Variants in CHN1 observed in about 807,000 individuals in gnomAD.
The protein encoded by CHN1 is N-chimaerin.
A neutral mutation model predicts 59.5 loss-of-function variants in CHN1; 37 were observed. The ratio of observed to expected loss-of-function variants is 0.62; its 90% CI spans 0.48 to 0.82. The LOEUF is 0.82. Ranked by LOEUF, CHN1 falls within the 40% of genes least tolerant of loss-of-function variation. The probability of loss-of-function intolerance (pLI) is 0.00; values close to 1 mark genes in which losing one functional copy is unlikely to be tolerated. For missense variants in CHN1, 469 were observed against 571.0 expected, an observed-to-expected ratio of 0.82 and a Z score of 1.82; for synonymous variants, 206 against 200.4, an observed-to-expected ratio of 1.03 and a Z score of -0.24.
In CHN1 at chr2:174,982,543, G is replaced by A. The variant is rs1418178438; in HGVS notation, c.19+22351C>T. Among the ~76,000 whole-genome samples, 3 of 152,106 alleles carry A rather than the reference G, an allele frequency of 2.0e-5. No individual in the cohort carries two copies. In the East Asian group the frequency reaches 5.8e-4, roughly 29 times the overall value. On this transcript the variant is annotated intron_variant, in intron 1 of 12. Transcript: ENST00000409900. ...TGGTTTTGATTTGCATTTCTCTGAT[G>A]GCCAGCAAATTCACACTAATTTTTA...
At chr2:174,999,600 C>T (rs993833336) in intron 1 of CHN1, among the ~76,000 whole-genome samples, 1 of 152,172 alleles carries the variant, frequency 6.6e-6, no homozygotes. Flanking sequence ...TTCTGCCTCA[C>T]TATTTTATGA....
rs559596993 is a variant in CHN1, at chr2:174,889,894, T to G, written c.261-11766A>C. Among the ~76,000 whole-genome samples the G allele has an allele frequency of 7.9e-5, 12 of 152,146 alleles. No individual in the cohort carries two copies. In the South Asian group the frequency reaches 1.2e-3, roughly 16 times the overall value. ...GAATAAATAAATATGTGTGTGTGTG[T>G]GTGTGTGCACGCGTGTGTGTATGTA... On this transcript the variant is annotated intron_variant, in intron 5 of 12. Coordinates refer to ENST00000409900, the MANE Select transcript of CHN1 (RefSeq NM_001822.7).
At chr2:174,982,620 G>C (rs1691192863) in intron 1 of CHN1, among the ~76,000 whole-genome samples, 1 of 152,032 alleles carries the variant, frequency 6.6e-6, no homozygotes, top group African/African-American at 2.4e-5. Flanking sequence ...ATATCACTTT[G>C]TGACCCAGAA....
At chr2:174,920,955 G>A (rs1350949418) in intron 3 of CHN1, 2 of 429,258 alleles carry the variant, frequency 4.7e-6, no homozygotes, top group Admixed American at 4.7e-5. Flanking sequence ...TCAAGCATTG[G>A]ATTCTCATAA....
At chr2:174,918,621 T>C in intron 3 of CHN1, 56 bp from the exon 4 acceptor site, 5 of 1,389,024 alleles carry the variant, frequency 3.6e-6, no homozygotes, top group Non-Finnish European at 5.0e-6. Flanking sequence ...GTGCAGAACA[T>C]AACTCAACAT....
intron 1 of CHN1, among the ~76,000 whole-genome samples, chr2:174,974,267 G>A (rs974310129): frequency 6.6e-6 from 1 of 152,206 alleles, no homozygotes; most frequent in Non-Finnish European, 1.5e-5. Context: ...AAAGCAGACT[G>A]AGTGATTTAT....
chr2:174,821,725 T>C, intron 8 of CHN1: 1 of 463,906 alleles, frequency 2.2e-6, no homozygotes, highest in Non-Finnish European at 4.5e-6. Context: ...AGTTGGACCC[T>C]TACCAGACAC....
chr2:174,830,330 A>G (rs530352867), intron 7 of CHN1, among the ~76,000 whole-genome samples: 1 of 152,358 alleles, frequency 6.6e-6, no homozygotes, highest in African/African-American at 2.4e-5. Context: ...GAGAATACAT[A>G]ACACTGGCTA....
At chr2:174,865,225 A>T (rs1034785800) in intron 6 of CHN1, among the ~76,000 whole-genome samples, 6 of 152,200 alleles carry the variant, frequency 3.9e-5, no homozygotes, top group Admixed American at 3.3e-4. Context: ...CTAGAGTGAC[A>T]TTCTTTAATG....
chr2:174,916,209 T>C (rs1043757277), intron 4 of CHN1, among the ~76,000 whole-genome samples: 3 of 152,170 alleles, frequency 2.0e-5, no homozygotes, highest in Non-Finnish European at 4.4e-5. Context: ...CAAACTATCA[T>C]TTACCTTCCC....
At chr2:174,920,357 T>C (rs1054346644) in intron 3 of CHN1, among the ~76,000 whole-genome samples, 3 of 152,188 alleles carry the variant, frequency 2.0e-5, no homozygotes, top group Non-Finnish European at 4.4e-5. Flanking sequence ...ACTAGTGAGA[T>C]TGCAGAATCA....
In CHN1 at chr2:174,938,919, CAT is replaced by C. The variant is rs201834460; in HGVS notation, c.114+5967_114+5968del. Reference sequence around the variant, plus strand: ...ACAAAAAATCTATATTTTTGTGAAACATAAATATTTCACAAAATATTGTGAAA... The same window carrying C: ...ACAAAAAATCTATATTTTTGTGAAACAAATATTTCACAAAATATTGTGAAA... On this transcript the variant is annotated intron_variant, in intron 3 of 12. Transcript: ENST00000409900. 4.8e-3 allele frequency among the ~76,000 whole-genome samples: 729 copies of C among 151,838 alleles called. 6 individuals are homozygous for C. Among genetic ancestry groups the C allele is most frequent in the African/African-American group, 0.017 (690 of 41,412 alleles).
chr2:174,988,149 G>C (rs905423530), intron 1 of CHN1, among the ~76,000 whole-genome samples: 2 of 152,090 alleles, frequency 1.3e-5, no homozygotes, highest in Non-Finnish European at 2.9e-5. Flanking sequence ...ACGAGGTCAG[G>C]AGATCGAGAC....
At chr2:174,807,219 G>C (rs1375131946) in intron 11 of CHN1, among the ~76,000 whole-genome samples, 1 of 152,194 alleles carries the variant, frequency 6.6e-6, no homozygotes, top group Non-Finnish European at 1.5e-5. Context: ...AGGCCTCGAA[G>C]TCCAAGAGGA....
intron 1 of CHN1, among the ~76,000 whole-genome samples, chr2:174,962,239 C>T (rs937041295): frequency 2.2e-4 from 33 of 151,946 alleles, no homozygotes; most frequent in African/African-American, 6.3e-4. Flanking sequence ...GAGCCGAGAT[C>T]ACGCCACTGC....
At chr2:174,990,698 C>T (rs1691520256) in intron 1 of CHN1, among the ~76,000 whole-genome samples, 2 of 152,118 alleles carry the variant, frequency 1.3e-5, no homozygotes, top group Non-Finnish European at 2.9e-5. Context: ...AACCGACACG[C>T]CCAGAGAAGC....
At chr2:174,856,510 A>C (rs375228501) in intron 6 of CHN1, among the ~76,000 whole-genome samples, 4 of 152,200 alleles carry the variant, frequency 2.6e-5, no homozygotes, top group African/African-American at 9.7e-5. Flanking sequence ...ATCTGAAAAC[A>C]ATGCAAACAA....
At chr2:174,805,265 G>C (rs757815385) in intron 11 of CHN1, among the ~76,000 whole-genome samples, 52 of 152,328 alleles carry the variant, frequency 3.4e-4, no homozygotes, top group South Asian at 1.0e-3. Context: ...CAGTGAGTGA[G>C]CCTTGCAGCA....
chr2:174,946,941 TCC>T (rs1689857001), intron 2 of CHN1, among the ~76,000 whole-genome samples: 1 of 149,930 alleles, frequency 6.7e-6, no homozygotes, highest in African/African-American at 2.4e-5. Flanking sequence ...TCAAGTCCAT[TCC>T]TCCATATTGG....
Sources: allele counts gnomAD v4.1 joint callset (sites outside exome capture counted in the v4.1 genomes callset), GRCh38; gene constraint gnomAD v4.1.1; transcripts MANE v1.5; gene names NCBI Gene and HGNC (gene_info 2026-07-23, HGNC 2026-07-21).